IGFBP3: variants seen among roughly 807,000 people sequenced by gnomAD.
IGFBP3 encodes the protein insulin like growth factor binding protein 3, also known as insulin-like growth factor-binding protein 3.
In IGFBP3, 9 loss-of-function variants were observed where a neutral mutation model predicts 28.6. The observed-to-expected ratio is 0.31, with a 90% CI of 0.19 to 0.55. IGFBP3 has a LOEUF of 0.55. Among genes scored for constraint, IGFBP3 ranks in the 20% least tolerant of loss-of-function variants. The probability of loss-of-function intolerance (pLI) is 0.93; values close to 1 mark genes in which losing one functional copy is unlikely to be tolerated. For missense variants in IGFBP3, 382 were observed against 428.9 expected (o/e 0.89, Z 0.97); for synonymous variants, 185 against 188.2 (o/e 0.98, Z 0.14).
intron 3 of IGFBP3, 65 bp downstream of exon 3, chr7:45,916,483 G>A: frequency 6.5e-7 from 1 of 1,539,210 alleles, no homozygotes; most frequent in Non-Finnish European, 8.9e-7. Context: ...CCTGGGGGCT[G>A]GTGAGATGGG....
In IGFBP3 at chr7:45,916,532, T is replaced by C; in HGVS notation, c.750+16A>G. On this transcript the variant is annotated intron_variant, in intron 3 of 4. Coordinates refer to ENST00000613132, the MANE Select transcript of IGFBP3 (RefSeq NM_000598.5). Reference sequence around the variant, plus strand: ...TCAACAGAAGAGGAAGAAAACACACTGAGGACCTCACTCACCTGCTTTTTC... The same window carrying C: ...TCAACAGAAGAGGAAGAAAACACACCGAGGACCTCACTCACCTGCTTTTTC... 6.2e-7 allele frequency: 1 copy of C among 1,607,290 alleles called. No homozygotes were observed. Among genetic ancestry groups the C allele is most frequent in the African/African-American group, 1.3e-5 (1 of 74,920 alleles).
chr7:45,921,270 T>C lies in IGFBP3; in HGVS notation c.-130A>G, dbSNP rs959279137. 1.7e-5 allele frequency: 20 copies of C among 1,147,942 alleles called. No homozygotes were observed. Among genetic ancestry groups the C allele is most frequent in the Non-Finnish European group, 2.5e-5 (20 of 815,470 alleles). 71.1% of individuals were successfully genotyped at this position (1,147,942 alleles called of 1,614,324 possible). The stretch of plus-strand genomic sequence containing the variant: ...TCAGCGCCCAGCCGCAGTGCTCGCA[T>C]CTGGGCGGCCCGGGCGCGCCGGCCG... On this transcript the variant is annotated 5_prime_UTR_variant, in exon 1 of 5. It removes an upstream start codon present in the reference 5' UTR. Transcript: ENST00000613132.
chr7:45,915,053 A>G, intron 3 of IGFBP3, 108 bp from the exon 4 acceptor site: 1 of 1,338,312 alleles, frequency 7.5e-7, no homozygotes, highest in Non-Finnish European at 1.0e-6. Context: ...TATGCTGAGA[A>G]AGCACAACAG....
At position 45,916,629 on chromosome 7, in the gene IGFBP3, G is replaced by A. The variant is rs1784611838; in HGVS notation, c.669C>T (p.His223=). The change falls in exon 3 of 5, where the codon CAC becomes CAT. Residue 223 remains histidine (H), a synonymous_variant. Transcript: ENST00000613132. The stretch of plus-strand genomic sequence containing the variant: ...GACTCAGCACATTGAGGAACTTCAG[G>A]TGATTCAGTGTGTCTTCCATTTCTC... The part of the protein sequence containing the change: ...CRREMEDTLN[H]LKFLNVLSPR... The A allele has an allele frequency of 1.2e-6, 2 of 1,613,446 alleles. No homozygotes were observed. Among genetic ancestry groups the A allele is most frequent in the African/African-American group, 1.3e-5 (1 of 75,032 alleles).
rs1784568804 is a variant in IGFBP3, at chr7:45,913,392, G to C, written c.*458C>G. 1 of 152,302 alleles carries C rather than the reference G, an allele frequency of 6.6e-6. No individual in the cohort carries two copies. The highest frequency in any genetic ancestry group is 2.4e-5 in the African/African-American group (1 of 41,452). The allele number at this position is 152,302 out of a possible 1,614,324, so 9.4% of individuals were successfully genotyped here. On this transcript the variant is annotated 3_prime_UTR_variant, in exon 5 of 5. Transcript: ENST00000613132. ...GAGCTCCAGGAGCATGCGTTGGGAT[G>C]TCCGGATGACCGGGGTTTAAAGGTT...
Position 45,916,546 on chromosome 7 carries a change from A to G in IGFBP3, c.750+2T>C. On this transcript the variant is annotated splice_donor_variant, in intron 3 of 4. Transcript: ENST00000613132. LOFTEE classifies it high-confidence loss of function. ...AGAAAACACACTGAGGACCTCACTCACCTGCTTTTTCTTATAAAATCCCTT... is the reference window on the plus strand; with the variant it reads ...AGAAAACACACTGAGGACCTCACTCGCCTGCTTTTTCTTATAAAATCCCTT... 2 of 1,610,140 alleles carry G rather than the reference A, an allele frequency of 1.2e-6. No individual in the cohort carries two copies. Among genetic ancestry groups the G allele is most frequent in the Non-Finnish European group, 8.5e-7 (1 of 1,176,768 alleles).
At chr7:45,914,359 C>G (rs1784580480) in intron 4 of IGFBP3, 1 of 152,556 alleles carries the variant, frequency 6.6e-6, no homozygotes, top group African/African-American at 2.4e-5. Flanking sequence ...GATGCTCTCC[C>G]AACTGAGCTA....
rs1385618486 is a variant in IGFBP3, at chr7:45,913,439, G to C, written c.*411C>G. On this transcript the variant is annotated 3_prime_UTR_variant, in exon 5 of 5. Coordinates refer to ENST00000613132, the MANE Select transcript of IGFBP3 (RefSeq NM_000598.5). The stretch of plus-strand genomic sequence containing the variant: ...GGTTTTCCTATTCTCGATAAAGCCT[G>C]TGCGCACTGTACGGGGAGTGGGGGT... 1 of 152,250 alleles carries C rather than the reference G, an allele frequency of 6.6e-6. No individual in the cohort carries two copies. The highest frequency in any genetic ancestry group is 1.5e-5 in the Non-Finnish European group (1 of 68,098). The allele number at this position is 152,250 out of a possible 1,614,324, so 9.4% of individuals were successfully genotyped here. A position where few individuals can be genotyped will look rare whatever the true frequency, so the allele number is the denominator to read the frequency against.
intron 3 of IGFBP3, chr7:45,915,216 T>G (rs957949504): frequency 1.5e-5 from 6 of 392,124 alleles, no homozygotes; most frequent in Non-Finnish European, 2.8e-5. Context: ...CCAGCCCTTG[T>G]AGAACCTCTT....
intron 1 of IGFBP3, chr7:45,920,414 A>C: frequency 3.2e-6 from 1 of 312,248 alleles, no homozygotes; most frequent in Non-Finnish European, 5.8e-6. Context: ...GGCGAGGAGA[A>C]TCTCCTGTGT....
In IGFBP3 at chr7:45,920,746, G is replaced by C; in HGVS notation, c.395C>G (p.Pro132Arg). The C allele has an allele frequency of 7.1e-7, 1 of 1,416,160 alleles. No homozygotes were observed. The highest frequency in any genetic ancestry group is 9.1e-7 in the Non-Finnish European group (1 of 1,093,722). The allele number at this position is 1,416,160 out of a possible 1,614,324, so 87.7% of individuals were successfully genotyped here. ...RLRAYLLPAP[P>R]APGNASESEE... is the part of the protein sequence containing the mutation. ...TGGCGCGGGCGGCTCACCTGGAGCT[G>C]GCGGCGCTGGCAGCAGGTAGGCGCG... The change falls in exon 1 of 5, where the codon CCA (proline) becomes CGA (arginine). Residue 132 changes from proline to arginine, a missense_variant. Coordinates refer to ENST00000613132, the MANE Select transcript of IGFBP3 (RefSeq NM_000598.5).
At position 45,921,212 on chromosome 7, in the gene IGFBP3, A is replaced by G. The variant is rs1241060318; in HGVS notation, c.-72T>C. ...GATGGGGCGACAGTACACGGCGCGA[A>G]GCTGTGGAATCCAGGCAGGAAGCGG... is the stretch of plus-strand genomic sequence containing the variant. On this transcript the variant is annotated 5_prime_UTR_variant, in exon 1 of 5. Coordinates refer to ENST00000613132, the MANE Select transcript of IGFBP3 (RefSeq NM_000598.5). The G allele has an allele frequency of 6.8e-7, 1 of 1,466,592 alleles. No individual in the cohort carries two copies. Among genetic ancestry groups the G allele is most frequent in the Non-Finnish European group, 9.1e-7 (1 of 1,094,412 alleles). 90.8% of individuals were successfully genotyped at this position (1,466,592 alleles called of 1,614,324 possible).
chr7:45,921,009 G>A lies in IGFBP3; in HGVS notation c.132C>T (p.Asp44=). The A allele has an allele frequency of 7.2e-7, 1 of 1,391,722 alleles. No individual in the cohort carries two copies. The highest frequency in any genetic ancestry group is 9.2e-7 in the Non-Finnish European group (1 of 1,081,816). 86.2% of individuals were successfully genotyped at this position (1,391,722 alleles called of 1,614,324 possible). A position where few individuals can be genotyped will look rare whatever the true frequency, so the allele number is the denominator to read the frequency against. ...GCGCGCACTGGGCCAGTGCACGCGC[G>A]TCGCACGGCTCGCAGCGCACCACGG... ...LGPVVRCEPC[D]ARALAQCAPP... is the part of the protein sequence containing the mutation. Residue 44 remains aspartate (D), a synonymous_variant, in exon 1 of 5, where the codon GAC becomes GAT. Transcript: ENST00000613132.
rs550285802 is a variant in IGFBP3, at chr7:45,912,501, A to C, written c.*1349T>G. Reference sequence around the variant, plus strand: ...TTGAGACCCCTCTGTTTTCAAGGAGAGCTCTATGCAGCGTGTGTCCACACC... The same window carrying C: ...TTGAGACCCCTCTGTTTTCAAGGAGCGCTCTATGCAGCGTGTGTCCACACC... On this transcript the variant is annotated 3_prime_UTR_variant, in exon 5 of 5. Transcript: ENST00000613132. The C allele has an allele frequency of 6.6e-6, 1 of 152,412 alleles. No homozygotes were observed. The highest frequency in any genetic ancestry group is 1.9e-4 in the East Asian group (1 of 5,182). The allele number at this position is 152,412 out of a possible 1,614,324, so 9.4% of individuals were successfully genotyped here. A position where few individuals can be genotyped will look rare whatever the true frequency, so the allele number is the denominator to read the frequency against.
Position 45,920,853 on chromosome 7 carries a change from C to T in IGFBP3, c.288G>A (p.Pro96=), listed in dbSNP as rs754590504. ...GCAGCGGTCGCGCCTCGTCGGGCGACGGCTGGCAGCGAAGGCCGGAGCCAC... is the reference window on the plus strand; with the variant it reads ...GCAGCGGTCGCGCCTCGTCGGGCGATGGCTGGCAGCGAAGGCCGGAGCCAC... ...ERCGSGLRCQ[P]SPDEARPLQA... The change falls in exon 1 of 5, where the codon CCG becomes CCA. Residue 96 remains proline (P), a synonymous_variant. Coordinates refer to ENST00000613132, the MANE Select transcript of IGFBP3 (RefSeq NM_000598.5). The T allele has an allele frequency of 1.4e-6, 2 of 1,414,778 alleles. No homozygotes were observed. Among genetic ancestry groups the T allele is most frequent in the Admixed American group, 6.3e-5 (2 of 31,598 alleles). The allele number at this position is 1,414,778 out of a possible 1,614,324, so 87.6% of individuals were successfully genotyped here.
chr7:45,915,114 T>A, intron 3 of IGFBP3, 169 bp from the exon 4 acceptor site: 1 of 668,348 alleles, frequency 1.5e-6, no homozygotes, highest in Middle Eastern at 3.9e-4. Context: ...GCCCGCTGAG[T>A]GTGCGCCTGT....
intron 1 of IGFBP3, among the ~76,000 whole-genome samples, chr7:45,918,113 C>T (rs891985780): frequency 6.6e-6 from 1 of 152,112 alleles, no homozygotes; most frequent in Non-Finnish European, 1.5e-5. Context: ...TCTAGGTCCC[C>T]GTTACATCTC....
rs1228370459 is a variant in IGFBP3 at position 45,921,198 on chromosome 7, A to T, written c.-58T>A. On this transcript the variant is annotated 5_prime_UTR_variant, in exon 1 of 5. Coordinates refer to ENST00000613132, the MANE Select transcript of IGFBP3 (RefSeq NM_000598.5). Reference sequence around the variant, plus strand: ...GCTGGGCGCGCAGGGATGGGGCGACAGTACACGGCGCGAAGCTGTGGAATC... The same window carrying T: ...GCTGGGCGCGCAGGGATGGGGCGACTGTACACGGCGCGAAGCTGTGGAATC... 3 of 1,485,656 alleles carry T rather than the reference A, an allele frequency of 2.0e-6. No homozygotes were observed. The African/African-American group carries it at 4.4e-5, about 22-fold the overall frequency. The allele number at this position is 1,485,656 out of a possible 1,614,324, so 92.0% of individuals were successfully genotyped here.
intron 4 of IGFBP3, chr7:45,914,409 T>G (rs966760095): frequency 6.5e-6 from 1 of 154,514 alleles, no homozygotes; most frequent in East Asian, 1.9e-4. Context: ...TTTAGAAACA[T>G]GTATCTTTAG....
Sources: allele counts gnomAD v4.1 joint callset (sites outside exome capture counted in the v4.1 genomes callset), GRCh38; gene constraint gnomAD v4.1.1; transcripts MANE v1.5; gene names NCBI Gene and HGNC (gene_info 2026-07-23, HGNC 2026-07-21).